Variants in SBF2 observed in about 807,000 individuals in gnomAD.
The protein encoded by SBF2 is myotubularin-related protein 13.
Under a neutral mutation model 225.2 loss-of-function variants are expected in SBF2, and 112 were observed. That is an observed-to-expected ratio of 0.50 (90% CI 0.43 to 0.58). SBF2 has a LOEUF of 0.58. SBF2 is among the 20% of genes least tolerant of loss of function. The pLI is 0.00. For missense variants in SBF2, 1,996 were observed against 2,206.2 expected, an observed-to-expected ratio of 0.90 and a Z score of 1.91; for synonymous variants, 763 against 773.3, an observed-to-expected ratio of 0.99 and a Z score of 0.22.
intron 1 of SBF2, among the ~76,000 whole-genome samples, chr11:10,232,375 A>T (rs1427401216): frequency 1.3e-5 from 2 of 149,202 alleles, no homozygotes; most frequent in Non-Finnish European, 1.5e-5. Flanking sequence ...GGAAATGCAT[A>T]AATCACCCAT....
chr11:9,995,456 C>T lies in SBF2; in HGVS notation c.976-1458G>A, dbSNP rs1295932115. 2.0e-5 allele frequency among the ~76,000 whole-genome samples: 3 copies of T among 152,114 alleles called. No homozygotes were observed. The East Asian group carries it at 5.8e-4, about 29-fold the overall frequency. On this transcript the variant is annotated intron_variant, in intron 9 of 39. Transcript: ENST00000256190. The stretch of plus-strand genomic sequence containing the variant: ...AAGTCACTGAATCACTACCACAGTA[C>T]AAAATATCTTAGTGTCTACAAAATA...
chr11:10,261,950 A>G (rs1253402210), intron 1 of SBF2, among the ~76,000 whole-genome samples: 1 of 152,236 alleles, frequency 6.6e-6, no homozygotes, highest in East Asian at 1.9e-4. Flanking sequence ...AAATCAGAAC[A>G]GTGACTGCCT....
intron 1 of SBF2, among the ~76,000 whole-genome samples, chr11:10,196,866 A>ATTTTTTTTTTTT (rs1555073581): frequency 2.1e-4 from 21 of 99,248 alleles, no homozygotes; most frequent in South Asian, 3.5e-4. Context: ...ATATATATAT[A>ATTTTTTTTTTTT]TTTTTTTTTT....
chr11:10,266,527 C>T (rs1436438811), intron 1 of SBF2, among the ~76,000 whole-genome samples: 1 of 152,044 alleles, frequency 6.6e-6, no homozygotes, highest in Admixed American at 6.6e-5. Flanking sequence ...TAGCAAACTA[C>T]TCAAAGATTA....
intron 1 of SBF2, among the ~76,000 whole-genome samples, chr11:10,229,461 C>T (rs1417617844): frequency 6.6e-6 from 1 of 152,146 alleles, no homozygotes; most frequent in Non-Finnish European, 1.5e-5. Context: ...AGTGCTATAA[C>T]TTTCCCTCTA....
Position 9,789,138 on chromosome 11 carries a change from G to A in SBF2, c.4903C>T (p.Gln1635Ter). ...WPCYDDVSCT[Q>*]PDALTSLFSE... ...AAAAGGCTGGTGAGAGCATCAGGCT[G>A]AGTACAGCTGACATCATCATAGCAT... Residue 1635 changes from glutamine (Q) to a stop codon, truncating the protein, a stop_gained, in exon 35 of 40, where the codon CAG becomes TAG. Transcript: ENST00000256190. LOFTEE classifies it high-confidence loss of function. 6.2e-7 allele frequency: 1 copy of A among 1,614,184 alleles called. No homozygotes were observed. The highest frequency in any genetic ancestry group is 8.5e-7 in the Non-Finnish European group (1 of 1,180,032).
intron 16 of SBF2, among the ~76,000 whole-genome samples, chr11:9,919,469 C>T (rs1590446851): frequency 1.3e-5 from 2 of 152,096 alleles, no homozygotes; most frequent in East Asian, 3.9e-4. Context: ...ATTTCTGTCC[C>T]TTTTAAGGGC....
At chr11:10,025,896 T>C (rs546225412) in intron 6 of SBF2, among the ~76,000 whole-genome samples, 16 of 152,310 alleles carry the variant, frequency 1.1e-4, no homozygotes, top group African/African-American at 3.8e-4. Flanking sequence ...CCACTGTGCC[T>C]GGTCTAGCGG....
At chr11:10,183,907 A>G (rs1253164357) in intron 2 of SBF2, among the ~76,000 whole-genome samples, 1 of 152,212 alleles carries the variant, frequency 6.6e-6, no homozygotes, top group Non-Finnish European at 1.5e-5. Context: ...TGGGAAATAT[A>G]AGTTCTCGTG....
At chr11:10,261,822 G>A (rs1961461100) in intron 1 of SBF2, among the ~76,000 whole-genome samples, 1 of 152,134 alleles carries the variant, frequency 6.6e-6, no homozygotes, top group Non-Finnish European at 1.5e-5. Context: ...ACATAATAAT[G>A]TGGATATACT....
At position 9,790,694 on chromosome 11, in the gene SBF2, A is replaced by G; in HGVS notation, c.4571-11T>C. ...CATCAAATAAAGTTCCTGTAGATTA[A>G]AAAAATCCAACAAAACAAAATTAAA... On this transcript the variant is annotated splice_polypyrimidine_tract_variant and intron_variant, in intron 33 of 39. Coordinates refer to ENST00000256190, the MANE Select transcript of SBF2 (RefSeq NM_030962.4). 8.4e-6 allele frequency: 13 copies of G among 1,550,364 alleles called. No homozygotes were observed. Among genetic ancestry groups the G allele is most frequent in the Non-Finnish European group, 1.1e-5 (12 of 1,127,666 alleles).
intron 16 of SBF2, chr11:9,958,983 T>C: frequency 1.2e-6 from 1 of 833,226 alleles, no homozygotes; most frequent in East Asian, 2.4e-5. Flanking sequence ...GCTTGCTTAG[T>C]TTCTTGATGG....
At chr11:10,104,296 CAAAA>C (rs1952457727) in intron 2 of SBF2, among the ~76,000 whole-genome samples, 1 of 151,790 alleles carries the variant, frequency 6.6e-6, no homozygotes. Flanking sequence ...AATTTGAAAA[CAAAA>C]AAGAAAAAGG....
At chr11:10,129,214 C>T (rs1486478170) in intron 2 of SBF2, among the ~76,000 whole-genome samples, 4 of 150,660 alleles carry the variant, frequency 2.7e-5, no homozygotes, top group Non-Finnish European at 4.4e-5. Context: ...AGCGATTCTC[C>T]TGCCTCAACC....
intron 16 of SBF2, among the ~76,000 whole-genome samples, chr11:9,950,746 A>G (rs1865810511): frequency 6.6e-6 from 1 of 152,234 alleles, no homozygotes; most frequent in African/African-American, 2.4e-5. Flanking sequence ...GCTCGGGTTG[A>G]TGATTAGATT....
In SBF2 at chr11:9,829,518, A is replaced by G. The variant is rs376697500; in HGVS notation, c.3653-22T>C. 404 of 1,567,496 alleles carry G rather than the reference A, an allele frequency of 2.6e-4. 1 individual carries two copies. In the African/African-American group the frequency reaches 4.6e-3, roughly 18 times the overall value. On this transcript the variant is annotated intron_variant, in intron 27 of 39. Coordinates refer to ENST00000256190, the MANE Select transcript of SBF2 (RefSeq NM_030962.4). The stretch of plus-strand genomic sequence containing the variant: ...GGAGCTATAAAAGGAAAATATATTG[A>G]ATAAAATAAACTGTCTCTGTGTTAA...
intron 1 of SBF2, among the ~76,000 whole-genome samples, chr11:10,239,736 C>T (rs1205177422): frequency 7.1e-6 from 1 of 140,450 alleles, no homozygotes; most frequent in Non-Finnish European, 1.6e-5. Flanking sequence ...CAACAATGGT[C>T]AAGAGAAAAC....
chr11:10,123,181 C>T (rs967467936), intron 2 of SBF2, among the ~76,000 whole-genome samples: 3 of 151,988 alleles, frequency 2.0e-5, no homozygotes, highest in Non-Finnish European at 2.9e-5. Flanking sequence ...ACTACAAAAC[C>T]GAAATGAATC....
intron 16 of SBF2, among the ~76,000 whole-genome samples, chr11:9,924,727 C>T (rs966217633): frequency 7.3e-5 from 11 of 150,884 alleles, no homozygotes; most frequent in African/African-American, 2.7e-4. Flanking sequence ...CCACCACGCC[C>T]AGTCGCATTT....
Sources: allele counts gnomAD v4.1 joint callset (sites outside exome capture counted in the v4.1 genomes callset), GRCh38; gene constraint gnomAD v4.1.1; transcripts MANE v1.5; gene names NCBI Gene and HGNC (gene_info 2026-07-23, HGNC 2026-07-21).